The following ADCY2 variants were observed in gnomAD, a reference collection of about 807,000 sequenced individuals.
ADCY2 encodes adenylate cyclase 2, also known as adenylate cyclase type 2.
ADCY2 carries 31 observed loss-of-function variants against 125.2 expected under a neutral mutation model. The observed-to-expected ratio is 0.25, with a 90% CI of 0.19 to 0.33. The LOEUF (loss-of-function observed/expected upper bound fraction) is 0.33, where lower values mean the gene tolerates loss of function less well. Among genes scored for constraint, ADCY2 ranks in the 10% least tolerant of loss-of-function variants. The pLI is 1.00. For missense variants in ADCY2, 904 were observed against 1,418.2 expected, an observed-to-expected ratio of 0.64 and a Z score of 5.82; for synonymous variants, 512 against 548.4, an observed-to-expected ratio of 0.93 and a Z score of 0.93.
At chr5:7,826,627 A>G (rs1745487640) in intron 24 of ADCY2, 92 bp from the exon 25 acceptor site, 1 of 1,536,090 alleles carries the variant, frequency 6.5e-7, no homozygotes, top group Admixed American at 1.7e-5. Flanking sequence ...GTCAAAGAGC[A>G]TGGTGCTTTT....
intron 23 of ADCY2, 64 bp from the exon 24 acceptor site, chr5:7,820,501 A>G (rs1324752746): frequency 1.3e-6 from 2 of 1,565,542 alleles, no homozygotes; most frequent in Middle Eastern, 1.8e-4. Context: ...CTCAAAAAAT[A>G]AAAAAAATAA....
intron 2 of ADCY2, among the ~76,000 whole-genome samples, chr5:7,438,433 G>A (rs1407682301): frequency 6.6e-6 from 1 of 152,184 alleles, no homozygotes; most frequent in Non-Finnish European, 1.5e-5. Flanking sequence ...GTATTGTGGG[G>A]GAAATAAGTG....
rs77780583 is a variant in ADCY2 at position 7,648,527 on chromosome 5, A to C, written c.720+22211A>C. Reference sequence around the variant, plus strand: ...CTAGTGTTTCAAGTAATAAGCACTCACTGCAACAAATGCCATGGCAATAGA... The same window carrying C: ...CTAGTGTTTCAAGTAATAAGCACTCCCTGCAACAAATGCCATGGCAATAGA... On this transcript the variant is annotated intron_variant, in intron 4 of 24. Transcript: ENST00000338316. Among the ~76,000 whole-genome samples, 57 of 152,302 alleles carry C rather than the reference A, an allele frequency of 3.7e-4. 2 individuals are homozygous for C. In the East Asian group the frequency reaches 0.011, roughly 28 times the overall value.
At chr5:7,593,739 A>G (rs557940833) in intron 3 of ADCY2, among the ~76,000 whole-genome samples, 1 of 152,304 alleles carries the variant, frequency 6.6e-6, no homozygotes, top group South Asian at 2.1e-4. Flanking sequence ...TATACATACA[A>G]ATGATAAAAA....
intron 7 of ADCY2, among the ~76,000 whole-genome samples, chr5:7,699,521 C>A (rs1741013042): frequency 6.6e-6 from 1 of 152,018 alleles, no homozygotes; most frequent in African/African-American, 2.4e-5. Context: ...GTGCAGAAAC[C>A]CATTTATTGG....
Position 7,468,073 on chromosome 5 carries a change from G to A in ADCY2, c.409-52665G>A, listed in dbSNP as rs114415717. On this transcript the variant is annotated intron_variant, in intron 2 of 24. Coordinates refer to ENST00000338316, the MANE Select transcript of ADCY2 (RefSeq NM_020546.3). ...TGATCTGTGTGTGGTATTGATTATA[G>A]AGACTGTTATAGTTGTCCTTCAGGG... 3.0e-3 allele frequency among the ~76,000 whole-genome samples: 460 copies of A among 152,274 alleles called. 4 individuals carry two copies. Among genetic ancestry groups the A allele is most frequent in the African/African-American group, 0.01 (426 of 41,546 alleles).
chr5:7,636,689 G>T (rs1324170785), intron 4 of ADCY2, among the ~76,000 whole-genome samples: 1 of 152,228 alleles, frequency 6.6e-6, no homozygotes, highest in Non-Finnish European at 1.5e-5. Context: ...AAGCCAGAGA[G>T]AATGGTTCAA....
chr5:7,767,877 A>G (rs912598390), intron 17 of ADCY2, among the ~76,000 whole-genome samples: 1 of 152,144 alleles, frequency 6.6e-6, no homozygotes, highest in Non-Finnish European at 1.5e-5. Flanking sequence ...AAAAATAAAA[A>G]AAAATTAGCC....
intron 14 of ADCY2, among the ~76,000 whole-genome samples, chr5:7,735,945 C>A (rs1486863491): frequency 6.6e-6 from 1 of 152,168 alleles, no homozygotes; most frequent in Non-Finnish European, 1.5e-5. Context: ...CACCTGTAAT[C>A]CCAGCACTTT....
At chr5:7,659,042 C>A (rs1321191553) in intron 4 of ADCY2, among the ~76,000 whole-genome samples, 1 of 151,726 alleles carries the variant, frequency 6.6e-6, no homozygotes, top group African/African-American at 2.4e-5. Flanking sequence ...AATTTACCAT[C>A]ACACTGAATT....
At chr5:7,682,311 GT>G (rs1740364960) in intron 4 of ADCY2, among the ~76,000 whole-genome samples, 1 of 152,096 alleles carries the variant, frequency 6.6e-6, no homozygotes, top group South Asian at 2.1e-4. Flanking sequence ...GAAGAGACCC[GT>G]TTTTTCAGTC....
At chr5:7,672,843 G>A (rs1739979389) in intron 4 of ADCY2, among the ~76,000 whole-genome samples, 1 of 152,104 alleles carries the variant, frequency 6.6e-6, no homozygotes, top group Non-Finnish European at 1.5e-5. Context: ...AGAGGCCATG[G>A]TGCTCAAGGC....
intron 3 of ADCY2, among the ~76,000 whole-genome samples, chr5:7,610,038 C>T (rs1737519620): frequency 6.6e-6 from 1 of 152,106 alleles, no homozygotes; most frequent in African/African-American, 2.4e-5. Context: ...GAGATGCAGA[C>T]AGGGGTGGGT....
At chr5:7,500,816 G>C (rs1248010077) in intron 2 of ADCY2, among the ~76,000 whole-genome samples, 1 of 152,060 alleles carries the variant, frequency 6.6e-6, no homozygotes, top group Non-Finnish European at 1.5e-5. Flanking sequence ...ATGGCACCCT[G>C]GGGAAAGGTC....
intron 2 of ADCY2, among the ~76,000 whole-genome samples, chr5:7,479,432 TTA>T (rs1056088494): frequency 1.3e-5 from 2 of 152,064 alleles, no homozygotes; most frequent in African/African-American, 4.8e-5. Flanking sequence ...GGAGGAATCA[TTA>T]TATTTTATTT....
chr5:7,449,457 T>C (rs1273765025), intron 2 of ADCY2, among the ~76,000 whole-genome samples: 1 of 152,216 alleles, frequency 6.6e-6, no homozygotes, highest in African/African-American at 2.4e-5. Flanking sequence ...TGCAGAACTC[T>C]ATCAGCCTGG....
At chr5:7,450,102 A>C (rs746702448) in intron 2 of ADCY2, among the ~76,000 whole-genome samples, 2 of 152,188 alleles carry the variant, frequency 1.3e-5, no homozygotes, top group African/African-American at 2.4e-5. Context: ...GTAGCCTCTA[A>C]GTGTTCAATG....
intron 3 of ADCY2, among the ~76,000 whole-genome samples, chr5:7,617,069 A>T (rs1737789450): frequency 6.6e-6 from 1 of 152,188 alleles, no homozygotes; most frequent in African/African-American, 2.4e-5. Context: ...CTGTGACCTC[A>T]TGGGTGTGAT....
intron 19 of ADCY2, among the ~76,000 whole-genome samples, chr5:7,788,149 C>T (rs928502447): frequency 1.3e-5 from 2 of 152,016 alleles, no homozygotes; most frequent in African/African-American, 4.8e-5. Context: ...GAACGTGAAA[C>T]TTTAAATATA....
Sources: allele counts gnomAD v4.1 joint callset (sites outside exome capture counted in the v4.1 genomes callset), GRCh38; gene constraint gnomAD v4.1.1; transcripts MANE v1.5; gene names NCBI Gene and HGNC (gene_info 2026-07-23, HGNC 2026-07-21).